The following RIMKLB variants were observed in gnomAD, a reference collection of about 807,000 sequenced individuals.
The protein encoded by RIMKLB is beta-citrylglutamate synthase B.
Under a neutral mutation model 32.0 loss-of-function variants are expected in RIMKLB, and 7 were observed. That is an observed-to-expected ratio of 0.22 (90% CI 0.12 to 0.41). RIMKLB has a LOEUF of 0.41. Among genes scored for constraint, RIMKLB ranks in the 10% least tolerant of loss-of-function variants. The pLI, the probability that RIMKLB is intolerant of heterozygous loss-of-function variation, is 1.00. For missense variants in RIMKLB, 289 were observed against 498.7 expected, an observed-to-expected ratio of 0.58 and a Z score of 4.00; for synonymous variants, 172 against 185.1, an observed-to-expected ratio of 0.93 and a Z score of 0.57.
At chr12:8,757,470 C>CAAAAAAAAAAAAA (rs55670138) in intron 5 of RIMKLB, among the ~76,000 whole-genome samples, 20 of 71,410 alleles carry the variant, frequency 2.8e-4, no homozygotes, top group African/African-American at 9.4e-4. Flanking sequence ...GACCCTGTCT[C>CAAAAAAAAAAAAA]AAAAAAAAAA....
rs1478746426 is a variant in RIMKLB at position 8,775,521 on chromosome 12, C to T, written c.*1737C>T. On this transcript the variant is annotated 3_prime_UTR_variant, in exon 6 of 6. Transcript: ENST00000535829. ...CTTTTACCCAAGCCCTTTCTTGCCT[C>T]TCCAGTGCTATTTTCCTTCAGATGG... 5 of 985,628 alleles carry T rather than the reference C, an allele frequency of 5.1e-6. No individual in the cohort carries two copies. Among genetic ancestry groups the T allele is most frequent in the African/African-American group, 1.7e-5 (1 of 57,216 alleles). The allele number at this position is 985,628 out of a possible 1,614,324, so 61.1% of individuals were successfully genotyped here.
At chr12:8,733,711 AAAAAT>A (rs1042742372) in intron 2 of RIMKLB, among the ~76,000 whole-genome samples, 16 of 152,182 alleles carry the variant, frequency 1.1e-4, no homozygotes, top group South Asian at 2.1e-4. Flanking sequence ...TGTCACTACA[AAAAAT>A]AAAATAAAAA....
rs753741497 is a variant in RIMKLB at position 8,771,810 on chromosome 12, A to T, written c.698-1511A>T. 3.9e-5 allele frequency among the ~76,000 whole-genome samples: 6 copies of T among 152,228 alleles called. No homozygotes were observed. The East Asian group carries it at 9.7e-4, about 24-fold the overall frequency. On this transcript the variant is annotated intron_variant, in intron 5 of 5. Coordinates refer to ENST00000535829, the MANE Select transcript of RIMKLB (RefSeq NM_001297776.2). The stretch of plus-strand genomic sequence containing the variant: ...TTTCTGGAAAATGTCTTCATTAATT[A>T]TTGCCTCTCCATCTGTTTCTGTCCT...
upstream of RIMKLB, among the ~76,000 whole-genome samples, chr12:8,696,252 A>C (rs1047264291): frequency 6.6e-6 from 1 of 152,254 alleles, no homozygotes; most frequent in Admixed American, 6.5e-5. Flanking sequence ...CCTTGATCAC[A>C]AAATGCTTCT....
upstream of RIMKLB, among the ~76,000 whole-genome samples, chr12:8,694,040 C>T (rs769245795): frequency 2.0e-5 from 3 of 151,990 alleles, no homozygotes; most frequent in African/African-American, 4.8e-5. Flanking sequence ...GTCAGGAGTT[C>T]GAGGCCAGCC....
At chr12:8,728,138 T>C (rs1304181962) in intron 2 of RIMKLB, among the ~76,000 whole-genome samples, 2 of 152,104 alleles carry the variant, frequency 1.3e-5, no homozygotes, top group South Asian at 2.1e-4. Flanking sequence ...TATCCATCAG[T>C]TTTTGCTTGT....
At chr12:8,739,345 T>C (rs755947099) in intron 2 of RIMKLB, among the ~76,000 whole-genome samples, 1 of 152,328 alleles carries the variant, frequency 6.6e-6, no homozygotes, top group East Asian at 1.9e-4. Flanking sequence ...TTCCTTTCTT[T>C]TTAAAAATTA....
chr12:8,738,365 A>G (rs1405254812), intron 2 of RIMKLB, among the ~76,000 whole-genome samples: 1 of 152,198 alleles, frequency 6.6e-6, no homozygotes, highest in East Asian at 1.9e-4. Context: ...TTGAATATAC[A>G]TCCTAAGTGT....
At chr12:8,712,372 A>G (rs1203672148) in intron 1 of RIMKLB, among the ~76,000 whole-genome samples, 2 of 152,134 alleles carry the variant, frequency 1.3e-5, no homozygotes, top group East Asian at 3.9e-4. Flanking sequence ...AGATCACACC[A>G]TTGCCCTCCA....
chr12:8,723,265 C>T (rs1358006232), intron 2 of RIMKLB, among the ~76,000 whole-genome samples: 2 of 152,118 alleles, frequency 1.3e-5, no homozygotes, highest in Non-Finnish European at 2.9e-5. Context: ...ATATTGTTGT[C>T]ACAGGGAATA....
chr12:8,695,186 G>A (rs1352469137), upstream of RIMKLB, among the ~76,000 whole-genome samples: 1 of 122,516 alleles, frequency 8.2e-6, no homozygotes, highest in African/African-American at 3.1e-5. Flanking sequence ...TTGCCGCACC[G>A]CCCCGCCCCC....
intron 2 of RIMKLB, among the ~76,000 whole-genome samples, chr12:8,744,985 T>C (rs1591849066): frequency 6.6e-6 from 1 of 151,952 alleles, no homozygotes; most frequent in Non-Finnish European, 1.5e-5. Flanking sequence ...CCTAATGCTA[T>C]CCCTCCCCCA....
At chr12:8,768,418 G>A (rs1185930265) in intron 5 of RIMKLB, among the ~76,000 whole-genome samples, 2 of 152,216 alleles carry the variant, frequency 1.3e-5, no homozygotes, top group Non-Finnish European at 2.9e-5. Flanking sequence ...TGATTTAATA[G>A]AGTGAAAACA....
chr12:8,776,069 A>G lies in RIMKLB; in HGVS notation c.*2285A>G, dbSNP rs1424614011. 1 of 981,494 alleles carries G rather than the reference A, an allele frequency of 1.0e-6. No individual in the cohort carries two copies. The highest frequency in any genetic ancestry group is 1.2e-6 in the Non-Finnish European group (1 of 826,442). The allele number at this position is 981,494 out of a possible 1,614,324, so 60.8% of individuals were successfully genotyped here. Reference sequence around the variant, plus strand: ...TAGAGACCATCTGGTTGCCATGTGTATTATGACACATACACTTTGAATAGT... The same window carrying G: ...TAGAGACCATCTGGTTGCCATGTGTGTTATGACACATACACTTTGAATAGT... On this transcript the variant is annotated 3_prime_UTR_variant, in exon 6 of 6. Coordinates refer to ENST00000535829, the MANE Select transcript of RIMKLB (RefSeq NM_001297776.2).
At chr12:8,678,069 A>AC (rs1279469551), upstream of RIMKLB, among the ~76,000 whole-genome samples, 12 of 151,516 alleles carry the variant, frequency 7.9e-5, no homozygotes, top group Admixed American at 7.9e-4. Context: ...GGTGTAAACC[A>AC]CCATGCTCAC....
chr12:8,738,975 C>G (rs1165243850), intron 2 of RIMKLB, among the ~76,000 whole-genome samples: 1 of 152,154 alleles, frequency 6.6e-6, no homozygotes, highest in African/African-American at 2.4e-5. Context: ...TACCATACAG[C>G]TTTGTCACAT....
chr12:8,671,243 T>C, the RIMKLB span, among the ~76,000 whole-genome samples: 1 of 152,058 alleles, frequency 6.6e-6, no homozygotes, highest in Non-Finnish European at 1.5e-5. Flanking sequence ...AAACAGTTTT[T>C]TCTTTTCTTT....
intron 5 of RIMKLB, among the ~76,000 whole-genome samples, chr12:8,764,654 G>T (rs1949807958): frequency 6.6e-6 from 1 of 152,100 alleles, no homozygotes; most frequent in African/African-American, 2.4e-5. Flanking sequence ...CGATGGCATG[G>T]GCTGGCACTT....
intron 1 of RIMKLB, among the ~76,000 whole-genome samples, chr12:8,704,382 CAAA>C (rs536532279): frequency 7.9e-6 from 1 of 126,644 alleles, no homozygotes. Flanking sequence ...GACCCTGTCT[CAAA>C]AAAAAAAAAA....
Sources: allele counts gnomAD v4.1 joint callset (sites outside exome capture counted in the v4.1 genomes callset), GRCh38; gene constraint gnomAD v4.1.1; transcripts MANE v1.5; gene names NCBI Gene and HGNC (gene_info 2026-07-23, HGNC 2026-07-21).